The following NAA25 variants were observed in gnomAD, a reference collection of about 807,000 sequenced individuals.
NAA25 encodes the protein N-terminal acetyltransferase B complex subunit NAA25.
In NAA25, 30 loss-of-function variants were observed where a neutral mutation model predicts 132.5. The observed-to-expected ratio is 0.23, with a 90% CI of 0.17 to 0.31. The LOEUF (loss-of-function observed/expected upper bound fraction) is 0.31, where lower values mean the gene tolerates loss of function less well. Ranked by LOEUF, NAA25 falls within the 10% of genes least tolerant of loss-of-function variation. The probability of loss-of-function intolerance (pLI) is 1.00; values close to 1 mark genes in which losing one functional copy is unlikely to be tolerated. For synonymous variants in NAA25, 359 were observed against 401.9 expected (o/e 0.89, Z 1.28); for missense variants, 771 against 1,150.4 (o/e 0.67, Z 4.77).
intron 4 of NAA25, among the ~76,000 whole-genome samples, chr12:112,086,463 C>T (rs1361181618): frequency 6.6e-6 from 1 of 151,552 alleles, no homozygotes; most frequent in Non-Finnish European, 1.5e-5. Flanking sequence ...CCACTGCACT[C>T]CAGCCTGGGC....
chr12:112,073,431 G>C (rs193137438), intron 9 of NAA25, among the ~76,000 whole-genome samples: 1 of 152,042 alleles, frequency 6.6e-6, no homozygotes, highest in Non-Finnish European at 1.5e-5. Context: ...TTTTTTAAAA[G>C]ATCCCATTTA....
chr12:112,108,555 T>A (rs1319717874), intron 1 of NAA25, among the ~76,000 whole-genome samples, 161 bp downstream of exon 1: 1 of 151,622 alleles, frequency 6.6e-6, no homozygotes, highest in Admixed American at 6.6e-5. Flanking sequence ...GGCCGGCGCC[T>A]ACGCGAGGCC....
chr12:112,040,691 T>A (rs2078289987), intron 20 of NAA25, 113 bp from the exon 21 acceptor site: 1 of 632,394 alleles, frequency 1.6e-6, no homozygotes, highest in Admixed American at 3.2e-5. Context: ...GAAAGCTATT[T>A]GTTTTTCATT....
At chr12:112,057,702 A>C (rs2078567082) in intron 13 of NAA25, among the ~76,000 whole-genome samples, 1 of 152,166 alleles carries the variant, frequency 6.6e-6, no homozygotes, top group Non-Finnish European at 1.5e-5. Flanking sequence ...TAAAAATACA[A>C]AAATTAGGCC....
intron 15 of NAA25, among the ~76,000 whole-genome samples, chr12:112,051,925 T>C (rs1167831465): frequency 6.6e-6 from 1 of 152,234 alleles, no homozygotes; most frequent in Non-Finnish European, 1.5e-5. Context: ...CACATCTTCA[T>C]GAGTAATACA....
At chr12:112,108,642 T>C in intron 1 of NAA25, 74 bp downstream of exon 1, 2 of 1,347,322 alleles carry the variant, frequency 1.5e-6, no homozygotes, top group South Asian at 3.5e-5. Context: ...TCAGCACCCC[T>C]CCTGGGCTTT....
chr12:112,076,022 A>G (rs544999455), intron 7 of NAA25, among the ~76,000 whole-genome samples: 3 of 152,108 alleles, frequency 2.0e-5, no homozygotes, highest in Non-Finnish European at 4.4e-5. Flanking sequence ...AGCTGGGATT[A>G]CAGGCATCTG....
At chr12:112,057,877 AG>A (rs2078571011) in intron 13 of NAA25, among the ~76,000 whole-genome samples, 1 of 152,198 alleles carries the variant, frequency 6.6e-6, no homozygotes, top group Non-Finnish European at 1.5e-5. Flanking sequence ...GCTACCTGGG[AG>A]GCTGAGGCAG....
chr12:112,071,779 T>C, intron 10 of NAA25, 116 bp downstream of exon 10: 1 of 696,148 alleles, frequency 1.4e-6, no homozygotes, highest in South Asian at 3.0e-5. Context: ...ATTTTCAGGC[T>C]ATGAAGACAT....
intron 11 of NAA25, among the ~76,000 whole-genome samples, chr12:112,066,347 A>G (rs1372593827): frequency 2.0e-5 from 3 of 152,222 alleles, no homozygotes; most frequent in Non-Finnish European, 4.4e-5. Flanking sequence ...CACTTACTGA[A>G]TGAATCCCTC....
Position 112,072,055 on chromosome 12 carries a change from T to C in NAA25, c.876A>G (p.Glu292=). Residue 292 remains glutamate (E), a synonymous_variant, in exon 10 of 24, where the codon GAA becomes GAG. Transcript: ENST00000261745. ...TTTCTGCAGAATAATGTACTTCTCC[T>C]TCTAAAGAGCTGAGGAAAAGCACAT... ...SPPAEGEHSL[E]GEVHYSAEKA... 1 of 1,612,284 alleles carries C rather than the reference T, an allele frequency of 6.2e-7. No homozygotes were observed. The highest frequency in any genetic ancestry group is 8.5e-7 in the Non-Finnish European group (1 of 1,179,202).
chr12:112,054,429 G>A lies in NAA25; in HGVS notation c.1587C>T (p.Tyr529=), dbSNP rs1299896514. The A allele has an allele frequency of 3.1e-6, 5 of 1,614,148 alleles. No homozygotes were observed. Among genetic ancestry groups the A allele is most frequent in the East Asian group, 2.2e-5 (1 of 44,882 alleles). Residue 529 remains tyrosine, a synonymous_variant, in exon 14 of 24, where the codon TAC becomes TAT. Transcript: ENST00000261745. The part of the protein sequence containing the change: ...LGAFEPVVDL[Y]SSLDAKHIQH... ...GGATATGCTTAGCATCGAGGCTGGA[G>A]TAAAGATCCACCACTGGTTCAAATG...
In NAA25 at chr12:112,030,168, G is replaced by A. The variant is rs35368265; in HGVS notation, c.2797-515C>T. On this transcript the variant is annotated intron_variant, in intron 23 of 23. Coordinates refer to ENST00000261745, the MANE Select transcript of NAA25 (RefSeq NM_024953.4). ...GTAGAGGTAGTAGTGAGCTGAGATC[G>A]TGCCACTACACACCAGCCTGGGCGA... 4.2e-3 allele frequency among the ~76,000 whole-genome samples: 555 copies of A among 132,022 alleles called. 1 individual carries two copies. Among genetic ancestry groups the A allele is most frequent in the Non-Finnish European group, 6.3e-3 (408 of 64,588 alleles). 86.6% of individuals were successfully genotyped at this position (132,022 alleles called of 152,430 possible). A position where few individuals can be genotyped will look rare whatever the true frequency, so the allele number is the denominator to read the frequency against.
rs1214211843 is a variant in NAA25 at position 112,049,366 on chromosome 12, T to A, written c.1729-923A>T. 1 of 802,306 alleles carries A rather than the reference T, an allele frequency of 1.2e-6. No homozygotes were observed. Among genetic ancestry groups the A allele is most frequent in the African/African-American group, 1.9e-5 (1 of 53,536 alleles). 49.7% of individuals were successfully genotyped at this position (802,306 alleles called of 1,614,324 possible). On this transcript the variant is annotated intron_variant, in intron 15 of 23. Transcript: ENST00000261745. This position sits in a 1 kb window ranked among gnomAD's most constrained non-coding sequence, Gnocchi z 4.7. ...AGCTGATGTCTGCCCCCAAAAAAGATCCTTTCTAGAAAAAACAGTCTTTTT... is the reference window on the plus strand; with the variant it reads ...AGCTGATGTCTGCCCCCAAAAAAGAACCTTTCTAGAAAAAACAGTCTTTTT...
intron 4 of NAA25, among the ~76,000 whole-genome samples, chr12:112,086,079 C>T (rs1285432560): frequency 6.3e-4 from 61 of 96,208 alleles, no homozygotes; most frequent in African/African-American, 1.4e-3. Flanking sequence ...TATATACACA[C>T]ACACACACAC....
chr12:112,102,146 G>A (rs975964830), intron 1 of NAA25, among the ~76,000 whole-genome samples: 7 of 151,700 alleles, frequency 4.6e-5, no homozygotes, highest in Admixed American at 3.3e-4. Flanking sequence ...AGCTGAGATC[G>A]CACCATTGCA....
intron 4 of NAA25, among the ~76,000 whole-genome samples, chr12:112,085,579 T>C (rs2079034300): frequency 6.6e-6 from 1 of 152,242 alleles, no homozygotes; most frequent in South Asian, 2.1e-4. Flanking sequence ...ATGTATTTTA[T>C]GTACCATAGG....
Position 112,033,338 on chromosome 12 carries a change from A to C in NAA25, c.2691T>G (p.Leu897=), listed in dbSNP as rs566061234. ...CCACAACATTGGAAATTAAAGTCTG[A>C]AGCCCAGTAACATAGTCTTGGAAAC... The part of the protein sequence containing the change: ...FTSFQDYVTG[L]QTLISNVVDH... The change falls in exon 23 of 24, where the codon CTT becomes CTG. Residue 897 remains leucine, a synonymous_variant. Coordinates refer to ENST00000261745, the MANE Select transcript of NAA25 (RefSeq NM_024953.4). The C allele has an allele frequency of 2.5e-6, 4 of 1,613,028 alleles. No individual in the cohort carries two copies. The South Asian group carries it at 4.4e-5, about 18-fold the overall frequency.
rs1280248851 is a variant in NAA25, at chr12:112,090,995, C to T, written c.145-131G>A. 1.2e-5 allele frequency: 10 copies of T among 818,998 alleles called. No homozygotes were observed. The African/African-American group carries it at 1.2e-4, about 10-fold the overall frequency. The allele number at this position is 818,998 out of a possible 1,614,324, so 50.7% of individuals were successfully genotyped here. ...TGATATACTAGTTTCAGGCTGGGTGCGGCGGCTCACATCTGTAATCCCGGC... is the reference window on the plus strand; with the variant it reads ...TGATATACTAGTTTCAGGCTGGGTGTGGCGGCTCACATCTGTAATCCCGGC... On this transcript the variant is annotated intron_variant, in intron 2 of 23. Transcript: ENST00000261745.
Sources: gnomAD v4.1 joint callset for allele counts (sites outside exome capture counted in the v4.1 genomes callset) on GRCh38, gnomAD v4.1.1 for gene constraint, Gnocchi (gnomAD v3.1) non-coding constraint, MANE v1.5 for transcripts, NCBI Gene and HGNC (gene_info 2026-07-23, HGNC 2026-07-21) for gene names.